The following PKHD1L1 variants were observed in gnomAD, a reference collection of about 807,000 sequenced individuals.
PKHD1L1 encodes the protein PKHD1 like 1.
Under a neutral mutation model 462.9 loss-of-function variants are expected in PKHD1L1, and 434 were observed. The observed-to-expected ratio is 0.94, with a 90% CI of 0.87 to 1.02. The LOEUF is 1.02. PKHD1L1 is among the 50% of genes least tolerant of loss of function. PKHD1L1 has a pLI of 0.00. For synonymous variants in PKHD1L1, 1,781 were observed against 1,750.0 expected (o/e 1.02, Z -0.44); for missense variants, 5,202 against 5,096.1 (o/e 1.02, Z -0.63).
At position 109,396,170 on chromosome 8, in the gene PKHD1L1, T is replaced by A. The variant is rs200745610; in HGVS notation, c.922+33T>A. On this transcript the variant is annotated intron_variant, in intron 11 of 77. Transcript: ENST00000378402. The stretch of plus-strand genomic sequence containing the variant: ...TCATGGTTTTTGATATATTACTTTA[T>A]TACCACAAATTCTGCCTGCTCTTTA... 19 of 1,434,560 alleles carry A rather than the reference T, an allele frequency of 1.3e-5. No homozygotes were observed. In the African/African-American group the frequency reaches 2.4e-4, roughly 18 times the overall value. 88.9% of individuals were successfully genotyped at this position (1,434,560 alleles called of 1,614,324 possible).
intron 50 of PKHD1L1, chr8:109,471,160 G>A: frequency 1.6e-6 from 2 of 1,283,778 alleles, no homozygotes; most frequent in Non-Finnish European, 2.1e-6. Flanking sequence ...CATGAAATGT[G>A]TTTTGTCTTT....
chr8:109,475,128 T>G lies in PKHD1L1; in HGVS notation c.8616T>G (p.Ile2872Met). The stretch of plus-strand genomic sequence containing the variant: ...TATGTTCTCCTATAGGCACAAGCAT[T>G]ATTCCATTTCAGAAGAAACGACTGA... Reference protein sequence around the residue: ...VVLSDSFGTSIIPFQKKRLTH... With the variant: ...VVLSDSFGTSMIPFQKKRLTH... The change falls in exon 51 of 78, where the codon ATT (isoleucine) becomes ATG (methionine). Residue 2872 changes from isoleucine (I) to methionine (M), a missense_variant. Physicochemically the swap from Ile to Met is conservative, Grantham distance 10 (BLOSUM62 1). Coordinates refer to ENST00000378402, the MANE Select transcript of PKHD1L1 (RefSeq NM_177531.6). 1 of 1,609,026 alleles carries G rather than the reference T, an allele frequency of 6.2e-7. No individual in the cohort carries two copies. Among genetic ancestry groups the G allele is most frequent in the Non-Finnish European group, 8.5e-7 (1 of 1,177,924 alleles).
At chr8:109,371,342 G>A (rs1453578326) in intron 2 of PKHD1L1, among the ~76,000 whole-genome samples, 4 of 152,066 alleles carry the variant, frequency 2.6e-5, no homozygotes, top group Non-Finnish European at 5.9e-5. Context: ...CCCACTTTTT[G>A]ATGGGGTTGT....
intron 49 of PKHD1L1, 109 bp downstream of exon 49, chr8:109,465,354 A>G (rs759288179): frequency 3.6e-5 from 42 of 1,162,560 alleles, no homozygotes; most frequent in Non-Finnish European, 4.9e-5. Context: ...CTTACCCAAT[A>G]GCAAACTTTA....
At chr8:109,459,503 G>A in intron 46 of PKHD1L1, 92 bp from the exon 47 acceptor site, 1 of 958,480 alleles carries the variant, frequency 1.0e-6, no homozygotes, top group African/African-American at 1.7e-5. Context: ...CTATTTTGCA[G>A]AGTATTTAAA....
intron 68 of PKHD1L1, 68 bp from the exon 69 acceptor site, chr8:109,507,595 A>G: frequency 7.4e-7 from 1 of 1,344,342 alleles, no homozygotes; most frequent in African/African-American, 1.4e-5. Flanking sequence ...TCCTCTAAGT[A>G]AATATTCAAG....
intron 65 of PKHD1L1, 29 bp from the exon 66 acceptor site, chr8:109,498,433 G>A: frequency 6.7e-7 from 1 of 1,498,384 alleles, no homozygotes; most frequent in Non-Finnish European, 9.3e-7. Flanking sequence ...TATTATTAAT[G>A]CTATATTGTT....
chr8:109,481,286 G>A (rs1818258454), intron 55 of PKHD1L1, 147 bp from the exon 56 acceptor site: 2 of 674,050 alleles, frequency 3.0e-6, no homozygotes, highest in Non-Finnish European at 2.3e-6. Context: ...TGAAATTAAA[G>A]TCACTTCCAG....
intron 16 of PKHD1L1, among the ~76,000 whole-genome samples, chr8:109,405,685 T>TG (rs34376957): frequency 8.7e-6 from 1 of 114,828 alleles, no homozygotes; most frequent in Non-Finnish European, 1.8e-5. Context: ...TGGGGCCTGT[T>TG]GGGGGGTGGG....
At chr8:109,370,844 A>T (rs1811467538) in intron 2 of PKHD1L1, among the ~76,000 whole-genome samples, 1 of 152,074 alleles carries the variant, frequency 6.6e-6, no homozygotes, top group Non-Finnish European at 1.5e-5. Flanking sequence ...GAACTCATCA[A>T]TTTTTATGGC....
At chr8:109,489,632 C>T (rs1045613665) in intron 59 of PKHD1L1, among the ~76,000 whole-genome samples, 11 of 151,768 alleles carry the variant, frequency 7.2e-5, no homozygotes, top group Admixed American at 5.9e-4. Context: ...AAACTTAGTT[C>T]TTGAGGTGGG....
intron 21 of PKHD1L1, among the ~76,000 whole-genome samples, chr8:109,416,370 G>T (rs1345394634): frequency 6.6e-6 from 1 of 152,206 alleles, no homozygotes; most frequent in African/African-American, 2.4e-5. Flanking sequence ...AAAGAAGAGA[G>T]AGAGAAAAAT....
chr8:109,382,698 G>A, intron 4 of PKHD1L1, 127 bp downstream of exon 4: 1 of 548,626 alleles, frequency 1.8e-6, no homozygotes, highest in East Asian at 3.4e-5. Context: ...ATGTAACAAA[G>A]GATAATTTCC....
At chr8:109,480,464 C>A (rs2130884743) in intron 55 of PKHD1L1, 1 of 417,916 alleles carries the variant, frequency 2.4e-6, no homozygotes, top group Non-Finnish European at 4.6e-6. Context: ...AGTTCTGAAA[C>A]AAGTAAAAGA....
intron 25 of PKHD1L1, among the ~76,000 whole-genome samples, chr8:109,428,077 C>A (rs1814873320): frequency 7.1e-6 from 1 of 141,800 alleles, no homozygotes; most frequent in Non-Finnish European, 1.5e-5. Flanking sequence ...GATGAGAGTG[C>A]AAGGAAATAG....
chr8:109,532,824 T>A lies in PKHD1L1; in HGVS notation c.*2734T>A, dbSNP rs74907271. ...CTGTTTTTACCTTTTATCCATTTTA[T>A]CCCCAAAAGTGCTATTTAAAATATC... is the stretch of plus-strand genomic sequence containing the variant. On this transcript the variant is annotated 3_prime_UTR_variant, in exon 78 of 78. Transcript: ENST00000378402. Among the ~76,000 whole-genome samples, 1 of 152,180 alleles carries A rather than the reference T, an allele frequency of 6.6e-6. No homozygotes were observed. Among genetic ancestry groups the A allele is most frequent in the Non-Finnish European group, 1.5e-5 (1 of 68,028 alleles).
rs890625790 is a variant in PKHD1L1 at position 109,535,121 on chromosome 8, G to C, written c.*5031G>C. On this transcript the variant is annotated 3_prime_UTR_variant, in exon 78 of 78. Transcript: ENST00000378402. ...ATCCTGACTTACAGCCTTAATGTTT[G>C]AAGTAGCAGTGTATAAAATTCACAC... Among the ~76,000 whole-genome samples, 1 of 151,976 alleles carries C rather than the reference G, an allele frequency of 6.6e-6. No homozygotes were observed. Among genetic ancestry groups the C allele is most frequent in the Non-Finnish European group, 1.5e-5 (1 of 68,010 alleles).
At chr8:109,402,772 C>T (rs913636780) in intron 14 of PKHD1L1, among the ~76,000 whole-genome samples, 27 of 152,092 alleles carry the variant, frequency 1.8e-4, no homozygotes, top group African/African-American at 6.0e-4. Context: ...TCAGAGGCAG[C>T]ATCATGAGGA....
intron 43 of PKHD1L1, among the ~76,000 whole-genome samples, chr8:109,453,106 A>G (rs1816630826): frequency 6.6e-6 from 1 of 152,206 alleles, no homozygotes; most frequent in Non-Finnish European, 1.5e-5. Flanking sequence ...ATCAGAATAG[A>G]TTGCATGCAT....
Sources: gnomAD v4.1 joint callset for allele counts (sites outside exome capture counted in the v4.1 genomes callset) on GRCh38, gnomAD v4.1.1 for gene constraint, MANE v1.5 for transcripts, NCBI Gene and HGNC (gene_info 2026-07-23, HGNC 2026-07-21) for gene names.